Variants in THSD7A observed in about 807,000 individuals in gnomAD.
The protein encoded by THSD7A is thrombospondin type-1 domain-containing protein 7A.
A neutral mutation model predicts 231.3 loss-of-function variants in THSD7A; 96 were observed. The ratio of observed to expected loss-of-function variants is 0.41; its 90% CI spans 0.35 to 0.49. The LOEUF (loss-of-function observed/expected upper bound fraction) is 0.49. Ranked by LOEUF, THSD7A falls within the 20% of genes least tolerant of loss-of-function variation. The pLI is 0.05. For synonymous variants in THSD7A, 940 were observed against 743.3 expected, an observed-to-expected ratio of 1.26 and a Z score of -4.30; for missense variants, 2,290 against 2,070.2, an observed-to-expected ratio of 1.11 and a Z score of -2.06.
At chr7:11,412,997 T>C (rs1783836484) in intron 17 of THSD7A, among the ~76,000 whole-genome samples, 197 bp from the exon 18 acceptor site, 1 of 152,160 alleles carries the variant, frequency 6.6e-6, no homozygotes, top group Non-Finnish European at 1.5e-5. Context: ...ACCATCTAGC[T>C]ATAAGATGCC....
At chr7:11,434,978 A>T (rs1162780619) in intron 13 of THSD7A, among the ~76,000 whole-genome samples, 1 of 151,946 alleles carries the variant, frequency 6.6e-6, no homozygotes, top group Admixed American at 6.6e-5. Context: ...GTACCCAGGC[A>T]AATTTATAGA....
At chr7:11,445,961 T>C in intron 13 of THSD7A, 100 bp downstream of exon 13, 2 of 1,399,440 alleles carry the variant, frequency 1.4e-6, no homozygotes, top group South Asian at 1.3e-5. Flanking sequence ...ATTTAGAATA[T>C]ACGTCTGTAA....
chr7:11,755,171 G>A (rs1665907405), intron 1 of THSD7A, among the ~76,000 whole-genome samples: 1 of 152,042 alleles, frequency 6.6e-6, no homozygotes, highest in Admixed American at 6.6e-5. Context: ...AAGTCACACA[G>A]TGCATAAGAT....
rs573839066 is a variant in THSD7A at position 11,745,877 on chromosome 7, A to G, written c.190+85880T>C. Among the ~76,000 whole-genome samples the G allele has an allele frequency of 4.6e-5, 7 of 152,028 alleles. No homozygotes were observed. The South Asian group carries it at 1.5e-3, about 32-fold the overall frequency. On this transcript the variant is annotated intron_variant, in intron 1 of 27. Coordinates refer to ENST00000423059, the MANE Select transcript of THSD7A (RefSeq NM_015204.3). ...CTAGTATAGTTTGAAGTCAGGCAGCATGATGCCTCCAGCTTTGTTCTTTTG... is the reference window on the plus strand; with the variant it reads ...CTAGTATAGTTTGAAGTCAGGCAGCGTGATGCCTCCAGCTTTGTTCTTTTG...
At chr7:11,545,694 T>C (rs1789351013) in intron 4 of THSD7A, among the ~76,000 whole-genome samples, 1 of 152,168 alleles carries the variant, frequency 6.6e-6, no homozygotes, top group Non-Finnish European at 1.5e-5. Context: ...GACCCCAGAA[T>C]CCTAGCTGCA....
Position 11,632,494 on chromosome 7 carries a change from A to C in THSD7A, c.1022+3636T>G, listed in dbSNP as rs866323716. ...TTTATATTTTCAATTGATTAGCTGG[A>C]GTATTCCAGAATTATCGTAACATCT... On this transcript the variant is annotated intron_variant, in intron 2 of 27. Transcript: ENST00000423059. This position sits in a 1 kb window ranked among gnomAD's most constrained non-coding sequence, Gnocchi z 4.1. 6.6e-6 allele frequency among the ~76,000 whole-genome samples: 1 copy of C among 152,170 alleles called. No homozygotes were observed. The highest frequency in any genetic ancestry group is 3.2e-3 in the Middle Eastern group (1 of 316).
intron 23 of THSD7A, among the ~76,000 whole-genome samples, chr7:11,396,382 G>A (rs755631475): frequency 1.3e-5 from 2 of 151,986 alleles, no homozygotes. Flanking sequence ...TAGATATATG[G>A]CTAGCCAGAC....
intron 1 of THSD7A, among the ~76,000 whole-genome samples, chr7:11,799,948 A>G (rs1784230649): frequency 6.6e-6 from 1 of 152,228 alleles, no homozygotes; most frequent in African/African-American, 2.4e-5. Flanking sequence ...TTGCTACTGT[A>G]GCGCACACAT....
intron 6 of THSD7A, among the ~76,000 whole-genome samples, chr7:11,482,304 T>C (rs1786460242): frequency 6.6e-6 from 1 of 152,292 alleles, no homozygotes; most frequent in African/African-American, 2.4e-5. Context: ...TCTTAAGTTG[T>C]AATAAGGAGC....
At chr7:11,618,986 T>C (rs1781214616) in intron 2 of THSD7A, among the ~76,000 whole-genome samples, 1 of 151,944 alleles carries the variant, frequency 6.6e-6, no homozygotes, top group Non-Finnish European at 1.5e-5. Context: ...CCAAAGATAA[T>C]AAAGATAGTA....
chr7:11,406,995 G>T lies in THSD7A; in HGVS notation c.3977C>A (p.Pro1326His). 1.2e-6 allele frequency: 2 copies of T among 1,613,836 alleles called. No homozygotes were observed. The highest frequency in any genetic ancestry group is 1.7e-6 in the Non-Finnish European group (2 of 1,179,856). The change falls in exon 21 of 28, where the codon CCT (proline) becomes CAT (histidine). Residue 1326 changes from proline (P) to histidine (H), a missense_variant. Pro to His is a moderately conservative substitution (Grantham distance 77). Coordinates refer to ENST00000423059, the MANE Select transcript of THSD7A (RefSeq NM_015204.3). This position sits in a 1 kb window ranked among gnomAD's most constrained non-coding sequence, Gnocchi z 4.7. ...QPFQGDGRPC[P>H]SLMDQSKPCP... ...GGGTTTGGACTGGTCCATCAGGGAA[G>T]GGCATGGTCTTCCATCACCTTGAAA...
In THSD7A at chr7:11,654,706, G is replaced by A. The variant is rs556080813; in HGVS notation, c.191-17745C>T. Among the ~76,000 whole-genome samples the A allele has an allele frequency of 2.3e-3, 352 of 152,046 alleles. 5 individuals are homozygous for A. Among genetic ancestry groups the A allele is most frequent in the Non-Finnish European group, 2.2e-3 (148 of 67,918 alleles). On this transcript the variant is annotated intron_variant, in intron 1 of 27. Coordinates refer to ENST00000423059, the MANE Select transcript of THSD7A (RefSeq NM_015204.3). ...TAGTATTGGTTTATGTGGCCAATCT[G>A]TATTTCAAGACACATCATTAGTCTT... is the stretch of plus-strand genomic sequence containing the variant.
intron 17 of THSD7A, among the ~76,000 whole-genome samples, chr7:11,414,494 G>T (rs1783894348): frequency 6.6e-6 from 1 of 152,090 alleles, no homozygotes; most frequent in Admixed American, 6.5e-5. Context: ...CCCTAGAAGT[G>T]TCTATTTCTG....
At chr7:11,769,147 A>ATTTTTTTTTTTTTT (rs1562541356) in intron 1 of THSD7A, among the ~76,000 whole-genome samples, 1 of 35,654 alleles carries the variant, frequency 2.8e-5, no homozygotes, top group African/African-American at 8.6e-5. Flanking sequence ...ATATATATAT[A>ATTTTTTTTTTTTTT]TATATATTTT....
intron 6 of THSD7A, among the ~76,000 whole-genome samples, chr7:11,484,089 G>C (rs1583828117): frequency 6.6e-6 from 1 of 151,768 alleles, no homozygotes; most frequent in East Asian, 2.0e-4. Context: ...GCTTGGCCAG[G>C]TGTACTTTCC....
chr7:11,758,465 G>C (rs1033076551), intron 1 of THSD7A, among the ~76,000 whole-genome samples: 3 of 152,016 alleles, frequency 2.0e-5, no homozygotes, highest in Admixed American at 1.3e-4. Context: ...ATTTGCCAGA[G>C]GTATATTTTT....
At chr7:11,432,910 T>C (rs1027351680) in intron 13 of THSD7A, among the ~76,000 whole-genome samples, 1 of 151,982 alleles carries the variant, frequency 6.6e-6, no homozygotes, top group African/African-American at 2.4e-5. Context: ...TTTTAAAAAA[T>C]GGGATCACAA....
intron 11 of THSD7A, among the ~76,000 whole-genome samples, chr7:11,458,957 C>G (rs1341628965): frequency 2.0e-5 from 3 of 152,090 alleles, no homozygotes; most frequent in South Asian, 4.1e-4. Flanking sequence ...TGTTCTTAGC[C>G]TTAAAGGGAG....
At chr7:11,622,309 CT>C (rs1360159503) in intron 2 of THSD7A, among the ~76,000 whole-genome samples, 2 of 151,952 alleles carry the variant, frequency 1.3e-5, no homozygotes, top group East Asian at 1.9e-4. Context: ...TTTGTTTTCT[CT>C]TTTGTTTTCA....
Sources: gnomAD v4.1 joint callset for allele counts (sites outside exome capture counted in the v4.1 genomes callset) on GRCh38, gnomAD v4.1.1 for gene constraint, Gnocchi (gnomAD v3.1) non-coding constraint, MANE v1.5 for transcripts, NCBI Gene and HGNC (gene_info 2026-07-23, HGNC 2026-07-21) for gene names.